PCDHAC2: variants seen among roughly 807,000 people sequenced by gnomAD.
PCDHAC2 encodes protocadherin alpha subfamily C, 2, also known as protocadherin alpha-C2.
In PCDHAC2, 24 loss-of-function variants were observed where a neutral mutation model predicts 63.3. The ratio of observed to expected loss-of-function variants is 0.38; its 90% CI spans 0.27 to 0.53. The LOEUF (loss-of-function observed/expected upper bound fraction) is 0.53, where lower values mean the gene tolerates loss of function less well. Among genes scored for constraint, PCDHAC2 ranks in the 20% least tolerant of loss-of-function variants. The probability of loss-of-function intolerance (pLI) is 0.81; values close to 1 mark genes in which losing one functional copy is unlikely to be tolerated. For synonymous variants in PCDHAC2, 569 were observed against 529.4 expected (o/e 1.07, Z -1.03); for missense variants, 1,181 against 1,275.2 (o/e 0.93, Z 1.12).
intron 3 of PCDHAC2, among the ~76,000 whole-genome samples, chr5:140,996,923 A>G (rs1385919756): frequency 6.6e-6 from 1 of 152,230 alleles, no homozygotes; most frequent in Non-Finnish European, 1.5e-5. Flanking sequence ...ATATTAAAAA[A>G]TATAGCATTT....
At chr5:141,006,130 TAGAAAGCTTAAGC>T (rs2098257447) in intron 3 of PCDHAC2, among the ~76,000 whole-genome samples, 1 of 150,362 alleles carries the variant, frequency 6.7e-6, no homozygotes. Context: ...CTCAAGGCAG[TAGAAAGCTTAAGC>T]AGAGGAGTGA....
At chr5:140,974,931 A>G (rs555720345) in intron 1 of PCDHAC2, among the ~76,000 whole-genome samples, 1 of 152,324 alleles carries the variant, frequency 6.6e-6, no homozygotes, top group African/African-American at 2.4e-5. Context: ...TGTTTAAAAC[A>G]CCACCTATTT....
At chr5:140,994,004 C>T (rs1366489476) in intron 3 of PCDHAC2, among the ~76,000 whole-genome samples, 3 of 152,186 alleles carry the variant, frequency 2.0e-5, no homozygotes, top group Non-Finnish European at 2.9e-5. Context: ...AGGCCAGGCT[C>T]TGTTCTAGGT....
chr5:140,994,189 G>T (rs992894961), intron 3 of PCDHAC2, among the ~76,000 whole-genome samples: 2 of 152,176 alleles, frequency 1.3e-5, no homozygotes, highest in Admixed American at 6.5e-5. Context: ...AACCACCAGG[G>T]CCTGTTGGTC....
chr5:140,985,021 T>A (rs2097132867), intron 3 of PCDHAC2, among the ~76,000 whole-genome samples: 1 of 151,956 alleles, frequency 6.6e-6, no homozygotes, highest in African/African-American at 2.4e-5. Flanking sequence ...CACAGCAACC[T>A]CTGCCTCCTG....
intron 3 of PCDHAC2, among the ~76,000 whole-genome samples, chr5:140,984,944 TC>T (rs1554246626): frequency 6.6e-6 from 1 of 151,930 alleles, no homozygotes; most frequent in Non-Finnish European, 1.5e-5. Flanking sequence ...AAATGTCTAA[TC>T]TTTTTTTTTT....
At chr5:140,974,721 G>T (rs1033117636) in intron 1 of PCDHAC2, among the ~76,000 whole-genome samples, 1 of 152,050 alleles carries the variant, frequency 6.6e-6, no homozygotes, top group Non-Finnish European at 1.5e-5. Context: ...AGCTGCTCTC[G>T]AACTCCTGTC....
Position 140,968,830 on chromosome 5 carries a change from C to T in PCDHAC2, c.2064C>T (p.Leu688=), listed in dbSNP as rs782771762. The change falls in exon 1 of 4, where the codon CTC becomes CTT. Residue 688 remains leucine (L), a synonymous_variant. Coordinates refer to ENST00000289269, the MANE Select transcript of PCDHAC2 (RefSeq NM_018899.6). The stretch of plus-strand genomic sequence containing the variant: ...TGGTGGATAGGGTTTCCAAAATCCT[C>T]CCTGACACTCAGAGGCATGTTAAGA... ...VAVVDRVSKI[L]PDTQRHVKSP... is the part of the protein sequence containing the mutation. 48 of 1,614,080 alleles carry T rather than the reference C, an allele frequency of 3.0e-5. No homozygotes were observed. The Admixed American group carries it at 8.0e-4, about 27-fold the overall frequency.
At chr5:140,972,871 C>G (rs1436283252) in intron 1 of PCDHAC2, among the ~76,000 whole-genome samples, 1 of 152,030 alleles carries the variant, frequency 6.6e-6, no homozygotes, top group Non-Finnish European at 1.5e-5. Flanking sequence ...ATCATGTTGT[C>G]CAGGATGGTC....
intron 3 of PCDHAC2, among the ~76,000 whole-genome samples, chr5:140,986,690 AAC>A (rs2097209708): frequency 6.6e-6 from 1 of 152,172 alleles, no homozygotes; most frequent in South Asian, 2.1e-4. Context: ...AAAGTTTCAA[AAC>A]ACACAGCACT....
chr5:140,971,263 C>T (rs1554233162), intron 1 of PCDHAC2, among the ~76,000 whole-genome samples: 1 of 152,186 alleles, frequency 6.6e-6, no homozygotes, highest in African/African-American at 2.4e-5. Flanking sequence ...CTATTTCTGT[C>T]TTACACTGAC....
intron 3 of PCDHAC2, among the ~76,000 whole-genome samples, chr5:140,996,043 C>T (rs1282990779): frequency 6.6e-6 from 1 of 152,202 alleles, no homozygotes; most frequent in Non-Finnish European, 1.5e-5. Context: ...GCACTTAACA[C>T]AGTGCTTGGC....
intron 3 of PCDHAC2, among the ~76,000 whole-genome samples, chr5:140,988,254 T>G (rs910037234): frequency 6.6e-6 from 1 of 152,188 alleles, no homozygotes; most frequent in East Asian, 1.9e-4. Context: ...AGCTCCCGCC[T>G]GTGAGTATCC....
chr5:140,970,018 C>G (rs1383957568), intron 1 of PCDHAC2, among the ~76,000 whole-genome samples: 9 of 151,942 alleles, frequency 5.9e-5, no homozygotes, highest in African/African-American at 2.2e-4. Context: ...GATGGTGAGG[C>G]AGAGAGATTA....
At position 140,967,833 on chromosome 5, in the gene PCDHAC2, T is replaced by G. The variant is rs1554229998; in HGVS notation, c.1067T>G (p.Val356Gly). The G allele has an allele frequency of 1.2e-6, 2 of 1,614,014 alleles. No homozygotes were observed. The highest frequency in any genetic ancestry group is 4.5e-5 in the East Asian group (2 of 44,876). Residue 356 changes from valine to glycine, a missense_variant, in exon 1 of 4, where the codon GTG (valine) becomes GGG (glycine). Physicochemically the swap from Val to Gly is moderately radical, Grantham distance 109. Transcript: ENST00000289269. The stretch of plus-strand genomic sequence containing the variant: ...CACTGCAAGGTGCTGGTGGACATCG[T>G]GGACGTGAATGACAATGCCCCAGAG... ...AGHCKVLVDI[V>G]DVNDNAPEVV...
chr5:141,011,876 A>G lies in PCDHAC2; in HGVS notation c.*1939A>G, dbSNP rs2098422094. ...AATTTTGTTATAATGTACAATTTAG[A>G]AGTTTGATTAATTATATTATCTATT... On this transcript the variant is annotated 3_prime_UTR_variant, in exon 4 of 4. Coordinates refer to ENST00000289269, the MANE Select transcript of PCDHAC2 (RefSeq NM_018899.6). 6.5e-6 allele frequency: 1 copy of G among 153,584 alleles called. No individual in the cohort carries two copies. The highest frequency in any genetic ancestry group is 2.4e-5 in the African/African-American group (1 of 41,298). 9.5% of individuals were successfully genotyped at this position (153,584 alleles called of 1,614,324 possible).
intron 3 of PCDHAC2, among the ~76,000 whole-genome samples, chr5:140,989,557 G>A (rs933151682): frequency 6.6e-6 from 1 of 152,166 alleles, no homozygotes; most frequent in Non-Finnish European, 1.5e-5. Context: ...TTTACGTTTT[G>A]TGGCTCCGGC....
chr5:140,972,350 A>G (rs897251940), intron 1 of PCDHAC2, among the ~76,000 whole-genome samples: 3 of 150,008 alleles, frequency 2.0e-5, no homozygotes, highest in Admixed American at 1.3e-4. Flanking sequence ...GGGTCTCACT[A>G]TGTTGCACAT....
At position 140,967,731 on chromosome 5, in the gene PCDHAC2, G is replaced by T; in HGVS notation, c.965G>T (p.Gly322Val). The T allele has an allele frequency of 6.2e-7, 1 of 1,614,164 alleles. No homozygotes were observed. The highest frequency in any genetic ancestry group is 1.3e-5 in the African/African-American group (1 of 75,044). ...ACCGGGGAAGTGCGAGTAATTGGGG[G>T]GCTGGATTATGAGGAAGCCTCCTCC... Reference protein sequence around the residue: ...ASTGEVRVIGGLDYEEASSYQ... With the variant: ...ASTGEVRVIGVLDYEEASSYQ... The change falls in exon 1 of 4, where the codon GGG (glycine) becomes GTG (valine). Residue 322 changes from glycine to valine, a missense_variant. Gly to Val is a moderately radical substitution (Grantham distance 109, BLOSUM62 -3). Around this residue, in one of 3 missense-constraint regions of PCDHAC2, gnomAD observed 968 missense variants for 1,073.5 expected, o/e 0.90. Coordinates refer to ENST00000289269, the MANE Select transcript of PCDHAC2 (RefSeq NM_018899.6).
Sources: gnomAD v4.1 joint callset for allele counts (sites outside exome capture counted in the v4.1 genomes callset) on GRCh38, gnomAD v4.1.1 for gene constraint, gnomAD v4.1.1 regional missense constraint, MANE v1.5 for transcripts, NCBI Gene and HGNC (gene_info 2026-07-23, HGNC 2026-07-21) for gene names.